Variants in APOA2 observed in about 807,000 individuals in gnomAD.
APOA2 encodes apolipoprotein A-II.
Under a neutral mutation model 7.4 loss-of-function variants are expected in APOA2, and 3 were observed. That is an observed-to-expected ratio of 0.41 (90% CI 0.18 to 1.05). APOA2 has a LOEUF of 1.05. APOA2 is among the 50% of genes least tolerant of loss of function. APOA2 has a pLI of 0.33. For synonymous variants in APOA2, 42 were observed against 47.8 expected (o/e 0.88, Z 0.50); for missense variants, 90 against 116.3 (o/e 0.77, Z 1.04).
intron 3 of APOA2, 139 bp from the exon 4 acceptor site, chr1:161,222,661 A>G: frequency 1.1e-6 from 1 of 932,416 alleles, no homozygotes; most frequent in Non-Finnish European, 1.7e-6. Flanking sequence ...CAAAGCCCCT[A>G]GGTAGGAATA....
At position 161,222,530 on chromosome 1, in the gene APOA2, G is replaced by T. The variant is rs940369794; in HGVS notation, c.186-8C>A. The T allele has an allele frequency of 6.2e-7, 1 of 1,610,582 alleles. No homozygotes were observed. The highest frequency in any genetic ancestry group is 2.2e-5 in the East Asian group (1 of 44,872). ...GACTTTTCAAAGTAAGACCTGGATA[G>T]GTGAGGGGATTAGAGTTTAATCTGA... On this transcript the variant is annotated splice_polypyrimidine_tract_variant and splice_region_variant and intron_variant, in intron 3 of 3. Transcript: ENST00000367990.
In APOA2 at chr1:161,222,445, CT is replaced by C. The variant is rs1374762762; in HGVS notation, c.262del (p.Ser88AlafsTer46). ...KAGTELVNFL[S>X]YFVELGTQPA... is the part of the protein sequence containing the mutation. ...CTGTGTTCCAAGTTCCACGAAATAG[CT>C]CAAGAAGTTAACCAGTTCCGTTCCA... On this transcript the variant is annotated frameshift_variant, in exon 4 of 4. Coordinates refer to ENST00000367990, the MANE Select transcript of APOA2 (RefSeq NM_001643.2). LOFTEE classifies it low-confidence loss of function (END_TRUNC). 2 of 1,614,080 alleles carry C rather than the reference CT, an allele frequency of 1.2e-6. No individual in the cohort carries two copies. Among genetic ancestry groups the C allele is most frequent in the African/African-American group, 2.7e-5 (2 of 74,916 alleles).
chr1:161,222,697 G>A (rs1017953631), intron 3 of APOA2, among the ~76,000 whole-genome samples, 175 bp from the exon 4 acceptor site: 1 of 152,134 alleles, frequency 6.6e-6, no homozygotes, highest in Admixed American at 6.6e-5. Context: ...CTAGGTAGAG[G>A]GACAGACTCT....
At chr1:161,222,861 T>C in intron 3 of APOA2, 57 bp downstream of exon 3, 1 of 1,613,938 alleles carries the variant, frequency 6.2e-7, no homozygotes, top group Non-Finnish European at 8.5e-7. Flanking sequence ...ACCTCTCATC[T>C]TCCCTTCTTT....
In APOA2 at chr1:161,222,379, G is replaced by A. The variant is rs1029859927; in HGVS notation, c.*26C>T. ...AGTGGGTGTTCTAGAGGCCAGCTGG[G>A]GTTGGAAGACAATGGTCTGGACACT... On this transcript the variant is annotated 3_prime_UTR_variant, in exon 4 of 4. Transcript: ENST00000367990. 1 of 1,588,470 alleles carries A rather than the reference G, an allele frequency of 6.3e-7. No homozygotes were observed.
intron 2 of APOA2, 57 bp downstream of exon 2, chr1:161,223,293 G>C: frequency 3.7e-6 from 6 of 1,605,144 alleles, no homozygotes; most frequent in Non-Finnish European, 4.3e-6. Flanking sequence ...AGGCAGATAG[G>C]TAGCTATAAC....
Position 161,223,069 on chromosome 1 carries a change from AC to A in APOA2, c.53-20del, listed in dbSNP as rs1558092106. The A allele has an allele frequency of 1.7e-6, 2 of 1,172,362 alleles. No individual in the cohort carries two copies. The highest frequency in any genetic ancestry group is 2.4e-6 in the Non-Finnish European group (2 of 848,322). The allele number at this position is 1,172,362 out of a possible 1,614,324, so 72.6% of individuals were successfully genotyped here. On this transcript the variant is annotated intron_variant, in intron 2 of 3. Transcript: ENST00000367990. Reference sequence around the variant, plus strand: ...AAAGCTCCTGCCCACACACACACACACACACACACACACACACACACACACT... The same window carrying A: ...AAAGCTCCTGCCCACACACACACACAACACACACACACACACACACACACT...
Position 161,223,010 on chromosome 1 carries a change from C to G in APOA2, c.93G>C (p.Glu31Asp), listed in dbSNP as rs1346496201. 6 of 1,613,868 alleles carry G rather than the reference C, an allele frequency of 3.7e-6. No homozygotes were observed. Among genetic ancestry groups the G allele is most frequent in the Admixed American group, 3.3e-5 (2 of 59,982 alleles). The change falls in exon 3 of 4, where the codon GAG becomes GAC. Residue 31 changes from glutamate (E) to aspartate (D), a missense_variant. By Grantham distance (45) the Glu-to-Asp change is conservative. Transcript: ENST00000367990. The part of the protein sequence containing the change: ...VRRQAKEPCV[E>D]SLVSQYFQTV... Reference sequence around the variant, plus strand: ...TCTGGAAGTACTGAGAAACCAGGCTCTCCACACATGGCTCCTTTGCCTGTC... The same window carrying G: ...TCTGGAAGTACTGAGAAACCAGGCTGTCCACACATGGCTCCTTTGCCTGTC...
rs1267411752 is a variant in APOA2 at position 161,223,353 on chromosome 1, C to T, written c.49G>A (p.Glu17Lys). The T allele has an allele frequency of 6.2e-7, 1 of 1,614,008 alleles. No individual in the cohort carries two copies. The highest frequency in any genetic ancestry group is 1.1e-5 in the South Asian group (1 of 90,974). ...TVLLLTICSL[E>K]GALVRRQAKE... The stretch of plus-strand genomic sequence containing the variant: ...CCCCTCTCCATATCACACCCACCTT[C>T]AAGGCTGCAGATGGTGAGGAGTAGC... Residue 17 changes from glutamate (E) to lysine (K), a missense_variant, in exon 2 of 4, where the codon GAA (glutamate) becomes AAA (lysine). Coordinates refer to ENST00000367990, the MANE Select transcript of APOA2 (RefSeq NM_001643.2).
chr1:161,223,539 A>G, intron 1 of APOA2, 56 bp downstream of exon 1: 2 of 834,108 alleles, frequency 2.4e-6, no homozygotes, highest in East Asian at 2.6e-5. Context: ...CCCTCTCCAC[A>G]ACTGAAGCCC....
chr1:161,223,154 C>T, intron 2 of APOA2, 104 bp from the exon 3 acceptor site: 1 of 1,589,364 alleles, frequency 6.3e-7, no homozygotes, highest in Non-Finnish European at 8.6e-7. Flanking sequence ...CTGCCAGTAC[C>T]CACCCCAGCT....
chr1:161,222,846 G>A lies in APOA2; in HGVS notation c.185+72C>T, dbSNP rs1327813905. ...TCCCCACCCCTGGGTTCAGACTTCT[G>A]TGGGACCTCTCATCTTCCCTTCTTT... On this transcript the variant is annotated intron_variant, in intron 3 of 3. Transcript: ENST00000367990. 1.9e-6 allele frequency: 3 copies of A among 1,611,650 alleles called. No homozygotes were observed. The East Asian group carries it at 6.7e-5, about 36-fold the overall frequency.
Position 161,223,382 on chromosome 1 carries a change from G to A in APOA2, c.20C>T (p.Thr7Ile), listed in dbSNP as rs760520457. 4 of 1,613,930 alleles carry A rather than the reference G, an allele frequency of 2.5e-6. No individual in the cohort carries two copies. The South Asian group carries it at 4.4e-5, about 18-fold the overall frequency. The change falls in exon 2 of 4, where the codon ACT becomes ATT. Residue 7 changes from threonine (T) to isoleucine (I), a missense_variant. By Grantham distance (89) the Thr-to-Ile change is moderately conservative. Transcript: ENST00000367990. ...GCTGCAGATGGTGAGGAGTAGCACA[G>A]TTGCTGCGAGCAGCTTCATGTTGGT... MKLLAA[T>I]VLLLTICSLE...
chr1:161,223,330 C>G lies in APOA2; in HGVS notation c.52+20G>C, dbSNP rs781737812. On this transcript the variant is annotated intron_variant, in intron 2 of 3. Transcript: ENST00000367990. ...ACCAGCACATTCTCCCTTTTGGCCC[C>G]CTCTCCATATCACACCCACCTTCAA... is the stretch of plus-strand genomic sequence containing the variant. The G allele has an allele frequency of 2.5e-6, 4 of 1,613,624 alleles. No individual in the cohort carries two copies. The highest frequency in any genetic ancestry group is 3.4e-6 in the Non-Finnish European group (4 of 1,179,808).
rs1383150229 is a variant in APOA2, at chr1:161,223,136, C to A, written c.53-86G>T. On this transcript the variant is annotated intron_variant, in intron 2 of 3. Transcript: ENST00000367990. Reference sequence around the variant, plus strand: ...CACAGCAGTGAATCCTGGCCTCCTGCCATACCTCTGCCAGTACCCACCCCA... The same window carrying A: ...CACAGCAGTGAATCCTGGCCTCCTGACATACCTCTGCCAGTACCCACCCCA... 5 of 1,600,242 alleles carry A rather than the reference C, an allele frequency of 3.1e-6. No homozygotes were observed. The East Asian group carries it at 6.8e-5, about 22-fold the overall frequency.
At position 161,223,428 on chromosome 1, in the gene APOA2, AG is replaced by A; in HGVS notation, c.-24-4del. The A allele has an allele frequency of 6.2e-7, 1 of 1,609,264 alleles. No homozygotes were observed. The highest frequency in any genetic ancestry group is 2.2e-5 in the East Asian group (1 of 44,840). On this transcript the variant is annotated splice_region_variant and splice_polypyrimidine_tract_variant and intron_variant, in intron 1 of 3. Transcript: ENST00000367990. ...TTGGTAACAGTGGGGAGGGCGGCCT[AG>A]GAAGAGGGTGGTGGGGGTTTGGGGG...
chr1:161,222,349 T>C lies in APOA2; in HGVS notation c.*56A>G, dbSNP rs749315211. On this transcript the variant is annotated 3_prime_UTR_variant, in exon 4 of 4. Coordinates refer to ENST00000367990, the MANE Select transcript of APOA2 (RefSeq NM_001643.2). ...TGGGTAGGGACAGGAGCTCTAGGAC[T>C]GGCCAGTGGGTGTTCTAGAGGCCAG... The C allele has an allele frequency of 1.8e-5, 24 of 1,298,968 alleles. No homozygotes were observed. The highest frequency in any genetic ancestry group is 2.5e-5 in the Non-Finnish European group (22 of 894,204). 80.5% of individuals were successfully genotyped at this position (1,298,968 alleles called of 1,614,324 possible).
chr1:161,223,256 G>C, intron 2 of APOA2, 94 bp downstream of exon 2: 1 of 1,575,002 alleles, frequency 6.3e-7, no homozygotes, highest in East Asian at 2.3e-5. Context: ...TGAGCCCTTT[G>C]GTTGCCAGAC....
chr1:161,222,598 T>A, intron 3 of APOA2, 76 bp from the exon 4 acceptor site: 2 of 1,345,204 alleles, frequency 1.5e-6, no homozygotes, highest in East Asian at 4.6e-5. Flanking sequence ...TGGTGGGAGG[T>A]CAGAGCAGAC....
Sources: gnomAD v4.1 joint callset for allele counts (sites outside exome capture counted in the v4.1 genomes callset) on GRCh38, gnomAD v4.1.1 for gene constraint, MANE v1.5 for transcripts, NCBI Gene and HGNC (gene_info 2026-07-23, HGNC 2026-07-21) for gene names.